The following TMEM33 variants were observed in gnomAD, a reference collection of about 807,000 sequenced individuals.
TMEM33 encodes the protein transmembrane protein 33.
A neutral mutation model predicts 29.7 loss-of-function variants in TMEM33; 16 were observed. The ratio of observed to expected loss-of-function variants is 0.54; its 90% CI spans 0.36 to 0.82. The LOEUF (loss-of-function observed/expected upper bound fraction) is 0.82, where lower values mean the gene tolerates loss of function less well. Among genes scored for constraint, TMEM33 ranks in the 40% least tolerant of loss-of-function variants. The probability of loss-of-function intolerance (pLI) is 0.00; values close to 1 mark genes in which losing one functional copy is unlikely to be tolerated. For missense variants in TMEM33, 252 were observed against 295.3 expected (o/e 0.85, Z 1.08); for synonymous variants, 112 against 109.4 (o/e 1.02, Z -0.15).
rs1560522125 is a variant in TMEM33, at chr4:41,958,698, C to CTTTTTTTTTTTTTTT, written c.*4500_*4501insTTTTTTTTTTTTTTT. 1 of 132,476 alleles carries CTTTTTTTTTTTTTTT rather than the reference C, an allele frequency of 7.5e-6. No homozygotes were observed. 8.2% of individuals were successfully genotyped at this position (132,476 alleles called of 1,614,324 possible). ...TTGTAGAGACAACTAGTTTCTCTCG[C>CTTTTTTTTTTTTTTT]TCTTTTTTTTTTTTTTTTTTTTTTT... is the stretch of plus-strand genomic sequence containing the variant. On this transcript the variant is annotated 3_prime_UTR_variant, in exon 7 of 7. Coordinates refer to ENST00000504986, the MANE Select transcript of TMEM33 (RefSeq NM_018126.3).
intron 1 of TMEM33, among the ~76,000 whole-genome samples, chr4:41,938,168 T>C (rs994326045): frequency 6.6e-6 from 1 of 152,172 alleles, no homozygotes; most frequent in Non-Finnish European, 1.5e-5. Context: ...TATTCGGATT[T>C]GAGATTTTTT....
At chr4:41,942,586 GGACAAGTATT>G (rs2153126865) in intron 3 of TMEM33, among the ~76,000 whole-genome samples, 1 of 152,100 alleles carries the variant, frequency 6.6e-6, no homozygotes, top group East Asian at 1.9e-4. Flanking sequence ...AATATTTTTA[GGACAAGTATT>G]TTTGCCATTT....
At chr4:41,938,355 A>C (rs561414728) in intron 1 of TMEM33, among the ~76,000 whole-genome samples, 8 of 152,152 alleles carry the variant, frequency 5.3e-5, no homozygotes, top group Non-Finnish European at 1.0e-4. Context: ...ATGTCAGCTG[A>C]TATTTTTCTA....
At chr4:41,952,700 G>C (rs1288466853) in intron 6 of TMEM33, among the ~76,000 whole-genome samples, 1 of 152,096 alleles carries the variant, frequency 6.6e-6, no homozygotes, top group Non-Finnish European at 1.5e-5. Flanking sequence ...GAGGGTATTG[G>C]GTGTGACACC....
In TMEM33 at chr4:41,954,874, C is replaced by A. The variant is rs1713194133; in HGVS notation, c.*675C>A. 6.6e-6 allele frequency: 1 copy of A among 152,294 alleles called. No homozygotes were observed. The highest frequency in any genetic ancestry group is 1.5e-5 in the Non-Finnish European group (1 of 68,010). The allele number at this position is 152,294 out of a possible 1,614,324, so 9.4% of individuals were successfully genotyped here. A position where few individuals can be genotyped will look rare whatever the true frequency, so the allele number is the denominator to read the frequency against. On this transcript the variant is annotated 3_prime_UTR_variant, in exon 7 of 7. Transcript: ENST00000504986. ...CAGTTGGATAAATATTTGGGGTCAC[C>A]TAGCCATTGAAAGCAGAAAGCAGTA...
intron 1 of TMEM33, 71 bp from the exon 2 acceptor site, chr4:41,938,531 A>G: frequency 7.1e-7 from 1 of 1,412,438 alleles, no homozygotes; most frequent in African/African-American, 1.4e-5. Context: ...AGACATAAAA[A>G]CCACACAGTC....
chr4:41,939,467 T>C, intron 3 of TMEM33, 84 bp downstream of exon 3: 1 of 1,436,572 alleles, frequency 7.0e-7, no homozygotes, highest in Non-Finnish European at 9.5e-7. Flanking sequence ...AATGAAGGCA[T>C]TCCATGAAGC....
intron 5 of TMEM33, among the ~76,000 whole-genome samples, chr4:41,948,530 A>C (rs915340481): frequency 6.6e-6 from 1 of 152,092 alleles, no homozygotes; most frequent in Non-Finnish European, 1.5e-5. Flanking sequence ...CACATTTGGC[A>C]TCTTAATATA....
At chr4:41,939,940 G>C in intron 3 of TMEM33, 1 of 374,380 alleles carries the variant, frequency 2.7e-6, no homozygotes, top group South Asian at 2.1e-5. Context: ...TTTGGAATTT[G>C]TATGTTTTCA....
At chr4:41,936,022 T>C (rs938764101) in intron 1 of TMEM33, among the ~76,000 whole-genome samples, 6 of 152,270 alleles carry the variant, frequency 3.9e-5, no homozygotes, top group African/African-American at 7.2e-5. Flanking sequence ...AATATCATTA[T>C]GCTTTTGTAA....
intron 5 of TMEM33, among the ~76,000 whole-genome samples, chr4:41,948,304 A>G (rs1055128569): frequency 6.6e-6 from 1 of 152,182 alleles, no homozygotes; most frequent in Non-Finnish European, 1.5e-5. Flanking sequence ...GAAGGGGCTA[A>G]CTTGGATGAT....
Position 41,959,791 on chromosome 4 carries a change from G to A in TMEM33, c.*5592G>A, listed in dbSNP as rs980621860. 5 of 152,000 alleles carry A rather than the reference G, an allele frequency of 3.3e-5. No homozygotes were observed. The South Asian group carries it at 1.0e-3, about 32-fold the overall frequency. 9.4% of individuals were successfully genotyped at this position (152,000 alleles called of 1,614,324 possible). On this transcript the variant is annotated 3_prime_UTR_variant, in exon 7 of 7. Coordinates refer to ENST00000504986, the MANE Select transcript of TMEM33 (RefSeq NM_018126.3). ...GTGTATATTGGAACAAATGTAAAAGGGTTACAAAGATTAGAAACAGAGTCA... is the reference window on the plus strand; with the variant it reads ...GTGTATATTGGAACAAATGTAAAAGAGTTACAAAGATTAGAAACAGAGTCA...
chr4:41,937,942 AAG>A (rs997293873), intron 1 of TMEM33, among the ~76,000 whole-genome samples: 21 of 152,234 alleles, frequency 1.4e-4, no homozygotes, highest in African/African-American at 4.8e-4. Flanking sequence ...GGAGGTGATA[AAG>A]AGAGTGGTGT....
At position 41,943,675 on chromosome 4, in the gene TMEM33, G is replaced by A. The variant is rs916467432; in HGVS notation, c.329-72G>A. The A allele has an allele frequency of 1.9e-5, 26 of 1,340,570 alleles. No individual in the cohort carries two copies. The African/African-American group carries it at 2.2e-4, about 11-fold the overall frequency. 83.0% of individuals were successfully genotyped at this position (1,340,570 alleles called of 1,614,324 possible). A position where few individuals can be genotyped will look rare whatever the true frequency, so the allele number is the denominator to read the frequency against. On this transcript the variant is annotated intron_variant, in intron 3 of 6. Coordinates refer to ENST00000504986, the MANE Select transcript of TMEM33 (RefSeq NM_018126.3). ...GCAGATGTTTCACATCTGTATATTT[G>A]GACATAATACATAGTCTGTTTTGCA...
At position 41,959,367 on chromosome 4, in the gene TMEM33, G is replaced by T. The variant is rs867775906; in HGVS notation, c.*5168G>T. ...CTATATAGTCTTTCTCCTCTTGTGC[G>T]TGTAGGAAATCTGACCTGCAGTGTC... is the stretch of plus-strand genomic sequence containing the variant. On this transcript the variant is annotated 3_prime_UTR_variant, in exon 7 of 7. Coordinates refer to ENST00000504986, the MANE Select transcript of TMEM33 (RefSeq NM_018126.3). The T allele has an allele frequency of 2.0e-5, 3 of 152,184 alleles. No individual in the cohort carries two copies. Among genetic ancestry groups the T allele is most frequent in the Non-Finnish European group, 2.9e-5 (2 of 68,032 alleles). 9.4% of individuals were successfully genotyped at this position (152,184 alleles called of 1,614,324 possible).
chr4:41,954,010 G>A, intron 6 of TMEM33, 60 bp from the exon 7 acceptor site: 5 of 1,593,118 alleles, frequency 3.1e-6, no homozygotes, highest in Non-Finnish European at 4.3e-6. Context: ...AATAAAATGA[G>A]GTAAGCCTGT....
chr4:41,957,071 A>G lies in TMEM33; in HGVS notation c.*2872A>G, dbSNP rs1218904954. On this transcript the variant is annotated 3_prime_UTR_variant, in exon 7 of 7. Coordinates refer to ENST00000504986, the MANE Select transcript of TMEM33 (RefSeq NM_018126.3). ...GTTCATTTAACATCCAGTGTGTCTA[A>G]TTCTTCTGGAAGTGGTGTAGTACCA... The G allele has an allele frequency of 6.6e-6, 1 of 152,158 alleles. No homozygotes were observed. Among genetic ancestry groups the G allele is most frequent in the Non-Finnish European group, 1.5e-5 (1 of 67,986 alleles). 9.4% of individuals were successfully genotyped at this position (152,158 alleles called of 1,614,324 possible).
chr4:41,947,483 A>C (rs1712846770), intron 5 of TMEM33, among the ~76,000 whole-genome samples: 1 of 152,268 alleles, frequency 6.6e-6, no homozygotes, highest in African/African-American at 2.4e-5. Flanking sequence ...ACATTAATTC[A>C]ATTGTGCTCC....
chr4:41,936,112 T>G (rs555211054), intron 1 of TMEM33, among the ~76,000 whole-genome samples: 1 of 152,374 alleles, frequency 6.6e-6, no homozygotes, highest in African/African-American at 2.4e-5. Flanking sequence ...AATCCATAAG[T>G]AGTTAAGTAT....
Sources: allele counts gnomAD v4.1 joint callset (sites outside exome capture counted in the v4.1 genomes callset), GRCh38; gene constraint gnomAD v4.1.1; transcripts MANE v1.5; gene names NCBI Gene and HGNC (gene_info 2026-07-23, HGNC 2026-07-21).